Variants in EPHA6 observed in about 807,000 individuals in gnomAD.
The protein encoded by EPHA6 is ephrin type-A receptor 6.
In EPHA6, 50 loss-of-function variants were observed where a neutral mutation model predicts 112.0. That is an observed-to-expected ratio of 0.45 (90% confidence interval 0.36 to 0.56). EPHA6 has a LOEUF of 0.56. Among genes scored for constraint, EPHA6 ranks in the 20% least tolerant of loss-of-function variants. The pLI, the probability that EPHA6 is intolerant of heterozygous loss-of-function variation, is 0.00. For missense variants in EPHA6, 1,280 were observed against 1,417.4 expected (o/e 0.90, Z 1.56); for synonymous variants, 529 against 490.7 (o/e 1.08, Z -1.03).
chr3:96,866,973 C>T (rs1576183919), intron 2 of EPHA6, 84 bp downstream of exon 2: 2 of 730,590 alleles, frequency 2.7e-6, no homozygotes, highest in South Asian at 4.9e-5. Flanking sequence ...AATTTTGGGC[C>T]CTACTTGTTA....
intron 5 of EPHA6, among the ~76,000 whole-genome samples, chr3:97,310,654 C>A (rs576810368): frequency 9.2e-5 from 14 of 151,674 alleles, no homozygotes; most frequent in East Asian, 1.9e-4. Flanking sequence ...CATTGACATA[C>A]CCTTCCAGCT....
chr3:97,181,786 A>C (rs901073527), intron 3 of EPHA6, among the ~76,000 whole-genome samples: 2 of 152,086 alleles, frequency 1.3e-5, no homozygotes, highest in African/African-American at 2.4e-5. Context: ...CAAATGGGAA[A>C]ACTAGATTTA....
chr3:97,064,568 A>G (rs921327603), intron 3 of EPHA6, among the ~76,000 whole-genome samples: 1 of 152,208 alleles, frequency 6.6e-6, no homozygotes, highest in Non-Finnish European at 1.5e-5. Context: ...GACACATAGT[A>G]GTATGTCAAT....
intron 11 of EPHA6, among the ~76,000 whole-genome samples, chr3:97,546,348 T>A (rs2092948103): frequency 6.6e-6 from 1 of 152,216 alleles, no homozygotes; most frequent in Admixed American, 6.5e-5. Flanking sequence ...GGATATGAAA[T>A]TCTGGGTTGA....
chr3:96,981,750 C>G (rs1316661220), intron 2 of EPHA6, among the ~76,000 whole-genome samples: 2 of 152,056 alleles, frequency 1.3e-5, no homozygotes, highest in African/African-American at 4.8e-5. Context: ...TTGGTCCATT[C>G]AGAGATTCAA....
intron 1 of EPHA6, among the ~76,000 whole-genome samples, chr3:96,844,975 TAGATAAA>T (rs754423559): frequency 3.9e-5 from 6 of 151,992 alleles, no homozygotes; most frequent in Non-Finnish European, 7.4e-5. Context: ...TGAACATGTG[TAGATAAA>T]AGAAATAAAA....
intron 2 of EPHA6, among the ~76,000 whole-genome samples, chr3:96,948,193 A>T (rs2041369344): frequency 6.6e-6 from 1 of 152,216 alleles, no homozygotes; most frequent in Non-Finnish European, 1.5e-5. Context: ...GACTCTTAAA[A>T]TGGATATAGT....
intron 2 of EPHA6, among the ~76,000 whole-genome samples, chr3:96,977,047 G>A (rs1392731819): frequency 6.6e-6 from 1 of 152,166 alleles, no homozygotes; most frequent in Non-Finnish European, 1.5e-5. Context: ...TCAGGTAAGG[G>A]CAAAGAAGTG....
chr3:97,680,564 G>A lies in EPHA6; in HGVS notation c.2785-39697G>A, dbSNP rs139451646. Among the ~76,000 whole-genome samples the A allele has an allele frequency of 2.0e-5, 3 of 152,278 alleles. No individual in the cohort carries two copies. The East Asian group carries it at 5.8e-4, about 29-fold the overall frequency. ...TGAAAAGTGAAAAACAGTTGAGTTTGCCAACCTCTCAGTAATTTCAGATTT... is the reference window on the plus strand; with the variant it reads ...TGAAAAGTGAAAAACAGTTGAGTTTACCAACCTCTCAGTAATTTCAGATTT... On this transcript the variant is annotated intron_variant, in intron 14 of 17. Transcript: ENST00000389672.
chr3:97,576,815 C>CA (rs375141359), intron 11 of EPHA6, among the ~76,000 whole-genome samples: 9,272 of 149,496 alleles, frequency 0.062, 442 homozygotes, highest in Admixed American at 0.14. Flanking sequence ...ATGTATAAGA[C>CA]AAAAAAAAAT....
At chr3:96,896,458 A>G (rs2038275582) in intron 2 of EPHA6, among the ~76,000 whole-genome samples, 2 of 152,130 alleles carry the variant, frequency 1.3e-5, no homozygotes, top group African/African-American at 4.8e-5. Flanking sequence ...GAAATGGTGT[A>G]AAAAGTCTGG....
intron 3 of EPHA6, among the ~76,000 whole-genome samples, chr3:97,199,109 G>A (rs1201597301): frequency 3.3e-5 from 5 of 152,220 alleles, no homozygotes; most frequent in East Asian, 3.9e-4. Flanking sequence ...AGTCAGAGAC[G>A]GAGACTTCTC....
chr3:96,907,627 GA>G (rs2039004161), intron 2 of EPHA6, among the ~76,000 whole-genome samples: 1 of 151,634 alleles, frequency 6.6e-6, no homozygotes, highest in South Asian at 2.1e-4. Flanking sequence ...TCAATTTTTA[GA>G]AAAGATATAG....
chr3:97,692,281 T>A (rs2032721215), intron 14 of EPHA6, among the ~76,000 whole-genome samples: 1 of 152,242 alleles, frequency 6.6e-6, no homozygotes, highest in Non-Finnish European at 1.5e-5. Flanking sequence ...TCTGGGTGAA[T>A]ATAATTAATT....
intron 10 of EPHA6, among the ~76,000 whole-genome samples, chr3:97,510,380 T>A (rs972519695): frequency 6.6e-6 from 1 of 152,198 alleles, no homozygotes; most frequent in Non-Finnish European, 1.5e-5. Flanking sequence ...TGTGTGGACA[T>A]CCTTTTTGTT....
intron 3 of EPHA6, among the ~76,000 whole-genome samples, chr3:97,098,416 T>C (rs533837606): frequency 6.6e-6 from 1 of 152,024 alleles, no homozygotes; most frequent in Admixed American, 6.6e-5. Flanking sequence ...TCTGCTTGCT[T>C]TTTTATGTAA....
At chr3:96,919,722 A>G (rs555611767) in intron 2 of EPHA6, among the ~76,000 whole-genome samples, 5 of 151,802 alleles carry the variant, frequency 3.3e-5, no homozygotes, top group African/African-American at 1.2e-4. Context: ...ACTTTTCTTA[A>G]TATTTCTTCA....
chr3:96,921,343 A>G (rs542752873), intron 2 of EPHA6, among the ~76,000 whole-genome samples: 2 of 152,236 alleles, frequency 1.3e-5, no homozygotes, highest in South Asian at 4.1e-4. Flanking sequence ...TATGTTTGAT[A>G]AAACATTTTT....
intron 5 of EPHA6, among the ~76,000 whole-genome samples, chr3:97,366,725 AC>A (rs1395856556): frequency 6.6e-6 from 1 of 152,228 alleles, no homozygotes; most frequent in African/African-American, 2.4e-5. Context: ...CCTTAAAAAA[AC>A]AAAGCAATTG....
Sources: gnomAD v4.1 joint callset for allele counts (sites outside exome capture counted in the v4.1 genomes callset) on GRCh38, gnomAD v4.1.1 for gene constraint, MANE v1.5 for transcripts, NCBI Gene and HGNC (gene_info 2026-07-23, HGNC 2026-07-21) for gene names.